MYPN: variants seen among roughly 807,000 people sequenced by gnomAD.
The protein encoded by MYPN is sarcomeric protein myopalladin, 145 kDa (MYOP).
MYPN carries 63 observed loss-of-function variants against 129.4 expected under a neutral mutation model. That is an observed-to-expected ratio of 0.49 (90% confidence interval 0.40 to 0.60). The LOEUF is 0.60. Ranked by LOEUF, MYPN falls within the 20% of genes least tolerant of loss-of-function variation. The probability of loss-of-function intolerance (pLI) is 0.00; values close to 1 mark genes in which losing one functional copy is unlikely to be tolerated. For missense variants in MYPN, 1,596 were observed against 1,635.4 expected, an observed-to-expected ratio of 0.98 and a Z score of 0.42; for synonymous variants, 629 against 600.9, an observed-to-expected ratio of 1.05 and a Z score of -0.68.
intron 10 of MYPN, among the ~76,000 whole-genome samples, chr10:68,170,893 A>T (rs1490120453): frequency 6.6e-6 from 1 of 152,136 alleles, no homozygotes; most frequent in African/African-American, 2.4e-5. Flanking sequence ...TCAAGCCTGT[A>T]ATCCCAGCAC....
At chr10:68,150,466 AGGT>A (rs761658025) in intron 6 of MYPN, among the ~76,000 whole-genome samples, 3 of 152,176 alleles carry the variant, frequency 2.0e-5, no homozygotes, top group Non-Finnish European at 4.4e-5. Flanking sequence ...TACCTGGCTT[AGGT>A]GCTCAAGGAG....
At chr10:68,209,299 A>C (rs2043867114) in intron 19 of MYPN, among the ~76,000 whole-genome samples, 1 of 152,256 alleles carries the variant, frequency 6.6e-6, no homozygotes, top group African/African-American at 2.4e-5. Flanking sequence ...CATATCTGCT[A>C]AAAACAGCAG....
intron 2 of MYPN, among the ~76,000 whole-genome samples, chr10:68,122,880 C>T (rs993320868): frequency 6.6e-6 from 1 of 151,778 alleles, no homozygotes; most frequent in Admixed American, 6.6e-5. Flanking sequence ...CCAGCCCGGG[C>T]AACAAGAGCG....
chr10:68,136,263 GGT>G, intron 2 of MYPN: 2 of 988,024 alleles, frequency 2.0e-6, no homozygotes, highest in Non-Finnish European at 2.4e-6. Flanking sequence ...GTGCGTGAAA[GGT>G]GGGTCCTTTT....
chr10:68,164,849 C>G (rs957789760), intron 8 of MYPN, among the ~76,000 whole-genome samples: 1 of 152,214 alleles, frequency 6.6e-6, no homozygotes, highest in African/African-American at 2.4e-5. Flanking sequence ...ACTCTTCTTT[C>G]ACACAGAATT....
chr10:68,184,967 C>G (rs1312095390), intron 12 of MYPN, among the ~76,000 whole-genome samples: 1 of 152,150 alleles, frequency 6.6e-6, no homozygotes, highest in Non-Finnish European at 1.5e-5. Flanking sequence ...CCTCCCCATT[C>G]CTGTTAACCA....
intron 6 of MYPN, among the ~76,000 whole-genome samples, chr10:68,152,954 GTTATTTTATTTTATTTTATTTTAT>G (rs2042800453): frequency 6.7e-6 from 1 of 148,674 alleles, no homozygotes; most frequent in Non-Finnish European, 1.5e-5. Flanking sequence ...TTTATTTTAT[GTTATTTTATTTTATTTTATTTTAT>G]TTATTTTATT....
At chr10:68,129,546 T>C (rs1449216134) in intron 2 of MYPN, among the ~76,000 whole-genome samples, 1 of 152,226 alleles carries the variant, frequency 6.6e-6, no homozygotes, top group East Asian at 1.9e-4. Context: ...TCATTACAAA[T>C]GTTCTAGTAT....
chr10:68,148,306 A>G (rs11598744), intron 4 of MYPN, 47 bp from the exon 5 acceptor site: 1 of 1,423,692 alleles, frequency 7.0e-7, no homozygotes, highest in African/African-American at 1.4e-5. Flanking sequence ...AATTTTCACA[A>G]AGAGTGATAG....
Position 68,109,650 on chromosome 10 carries a change from C to A in MYPN, c.-75C>A, listed in dbSNP as rs2042054190. On this transcript the variant is annotated 5_prime_UTR_variant, in exon 1 of 20. Coordinates refer to ENST00000358913, the MANE Select transcript of MYPN (RefSeq NM_032578.4). ...TCTCCTGTGCTTTCATCTAAAAGTT[C>A]TCCCTGGATAATTATCATTGCAGTG... The A allele has an allele frequency of 1.3e-5, 6 of 454,090 alleles. No homozygotes were observed. The highest frequency in any genetic ancestry group is 2.2e-5 in the Non-Finnish European group (5 of 226,786). The allele number at this position is 454,090 out of a possible 1,614,324, so 28.1% of individuals were successfully genotyped here. A position where few individuals can be genotyped will look rare whatever the true frequency, so the allele number is the denominator to read the frequency against.
intron 1 of MYPN, among the ~76,000 whole-genome samples, chr10:68,092,599 G>C (rs1485902285): frequency 1.3e-5 from 2 of 152,122 alleles, no homozygotes; most frequent in Admixed American, 1.3e-4. Flanking sequence ...TGTTCTTAAG[G>C]ATCGTCAAAT....
At chr10:68,176,643 A>G (rs2043231942) in intron 12 of MYPN, among the ~76,000 whole-genome samples, 1 of 152,184 alleles carries the variant, frequency 6.6e-6, no homozygotes, top group Non-Finnish European at 1.5e-5. Flanking sequence ...ATTCACTTAA[A>G]ATTATTAAGG....
intron 18 of MYPN, among the ~76,000 whole-genome samples, chr10:68,203,558 C>T (rs1381276331): frequency 6.6e-6 from 1 of 151,994 alleles, no homozygotes; most frequent in Non-Finnish European, 1.5e-5. Context: ...CATTGTACTC[C>T]AGCCTGGGGA....
chr10:68,140,080 A>G (rs1344593389), intron 2 of MYPN, among the ~76,000 whole-genome samples: 1 of 152,160 alleles, frequency 6.6e-6, no homozygotes, highest in Non-Finnish European at 1.5e-5. Context: ...ATTTGAGCTG[A>G]GGTCTGACTC....
At chr10:68,105,928 A>G (rs192878654), upstream of MYPN, among the ~76,000 whole-genome samples, 286 of 152,322 alleles carry the variant, frequency 1.9e-3, 1 homozygote, top group African/African-American at 6.6e-3. Flanking sequence ...CTTAGTCATT[A>G]TCCACCCCCA....
intron 2 of MYPN, among the ~76,000 whole-genome samples, chr10:68,133,296 G>C (rs2042438378): frequency 6.6e-6 from 1 of 151,846 alleles, no homozygotes; most frequent in African/African-American, 2.4e-5. Context: ...AAGTGCTGGG[G>C]TTACAGGTGT....
Position 68,210,438 on chromosome 10 carries a change from G to T in MYPN, c.3946G>T (p.Glu1316Ter). The T allele has an allele frequency of 6.2e-7, 1 of 1,614,130 alleles. No homozygotes were observed. Among genetic ancestry groups the T allele is most frequent in the South Asian group, 1.1e-5 (1 of 91,074 alleles). Residue 1316 changes from glutamate to a stop codon, truncating the protein, a stop_gained, in exon 20 of 20, where the codon GAG (glutamate) becomes TAG (stop). Coordinates refer to ENST00000358913, the MANE Select transcript of MYPN (RefSeq NM_032578.4). LOFTEE classifies it high-confidence loss of function. ...VYSCSSRSVV[E>*]SDEL ...TTCATGCTCTTCTCGGAGTGTAGTGGAGAGTGATGAACTTTAAGAATGTCT... is the reference window on the plus strand; with the variant it reads ...TTCATGCTCTTCTCGGAGTGTAGTGTAGAGTGATGAACTTTAAGAATGTCT...
chr10:68,154,741 C>G (rs983308963), intron 6 of MYPN, among the ~76,000 whole-genome samples: 3 of 152,184 alleles, frequency 2.0e-5, no homozygotes, highest in African/African-American at 7.2e-5. Flanking sequence ...ACCAATAAGG[C>G]AGATGCTGTT....
At chr10:68,153,178 G>A (rs1314073053) in intron 6 of MYPN, among the ~76,000 whole-genome samples, 1 of 150,966 alleles carries the variant, frequency 6.6e-6, no homozygotes, top group Non-Finnish European at 1.5e-5. Context: ...TAGAGACGGG[G>A]TTTCACCATG....
Sources: gnomAD v4.1 joint callset for allele counts (sites outside exome capture counted in the v4.1 genomes callset) on GRCh38, gnomAD v4.1.1 for gene constraint, MANE v1.5 for transcripts, NCBI Gene and HGNC (gene_info 2026-07-23, HGNC 2026-07-21) for gene names.